The following FILIP1 variants were observed in gnomAD, a reference collection of about 807,000 sequenced individuals.
The protein encoded by FILIP1 is filamin A interacting protein 1.
A neutral mutation model predicts 102.1 loss-of-function variants in FILIP1; 61 were observed. The ratio of observed to expected loss-of-function variants is 0.60; its 90% CI spans 0.49 to 0.74. FILIP1 has a LOEUF of 0.74. FILIP1 is among the 30% of genes least tolerant of loss of function. The pLI, the probability that FILIP1 is intolerant of heterozygous loss-of-function variation, is 0.00. For synonymous variants in FILIP1, 491 were observed against 526.9 expected (o/e 0.93, Z 0.93); for missense variants, 1,314 against 1,441.2 (o/e 0.91, Z 1.43).
chr6:75,485,301 T>C (rs1351030275), intron 1 of FILIP1, among the ~76,000 whole-genome samples: 2 of 152,216 alleles, frequency 1.3e-5, no homozygotes, highest in Admixed American at 6.5e-5. Flanking sequence ...GGAAGATGTT[T>C]AGCCTGTCAG....
intron 6 of FILIP1, among the ~76,000 whole-genome samples, chr6:75,297,986 C>T (rs933184938): frequency 6.6e-6 from 1 of 152,184 alleles, no homozygotes; most frequent in Non-Finnish European, 1.5e-5. Context: ...CTTCAGTGTG[C>T]AGCAGTGGAA....
intron 3 of FILIP1, among the ~76,000 whole-genome samples, chr6:75,354,324 G>A (rs568011442): frequency 6.6e-6 from 1 of 152,166 alleles, no homozygotes; most frequent in Admixed American, 6.5e-5. Flanking sequence ...TGTAATCCCA[G>A]CACGTGGGGA....
At chr6:75,387,212 G>A (rs576280507) in intron 2 of FILIP1, among the ~76,000 whole-genome samples, 162 of 152,088 alleles carry the variant, frequency 1.1e-3, no homozygotes, top group African/African-American at 3.4e-3. Context: ...TCTTTTTTAT[G>A]GCTGCATAGT....
chr6:75,410,388 T>G (rs1777023098), intron 2 of FILIP1, among the ~76,000 whole-genome samples: 1 of 151,492 alleles, frequency 6.6e-6, no homozygotes, highest in Admixed American at 6.6e-5. Context: ...TTCCACATTT[T>G]TTTTGAGATT....
intron 1 of FILIP1, among the ~76,000 whole-genome samples, chr6:75,486,903 A>G (rs1025513094): frequency 6.6e-6 from 1 of 151,992 alleles, no homozygotes; most frequent in African/African-American, 2.4e-5. Context: ...CATTATTATT[A>G]TTATTACTTA....
intron 1 of FILIP1, among the ~76,000 whole-genome samples, chr6:75,429,399 C>T (rs1363279566): frequency 6.6e-6 from 1 of 152,190 alleles, no homozygotes; most frequent in Non-Finnish European, 1.5e-5. Context: ...GCTCCATCTA[C>T]AAGCTTGATC....
At chr6:75,432,614 T>C (rs560511059) in intron 1 of FILIP1, among the ~76,000 whole-genome samples, 3 of 152,322 alleles carry the variant, frequency 2.0e-5, no homozygotes, top group South Asian at 2.1e-4. Flanking sequence ...CAAGGCCATA[T>C]AGGTTTCATC....
intron 1 of FILIP1, among the ~76,000 whole-genome samples, chr6:75,476,061 C>A (rs752285074): frequency 2.6e-5 from 4 of 151,790 alleles, no homozygotes; most frequent in Non-Finnish European, 5.9e-5. Flanking sequence ...GCCAACATGG[C>A]AAAATCCCAT....
intron 1 of FILIP1, among the ~76,000 whole-genome samples, chr6:75,477,443 A>G (rs1384793633): frequency 6.6e-6 from 1 of 152,198 alleles, no homozygotes; most frequent in Non-Finnish European, 1.5e-5. Flanking sequence ...ACTATAAAAA[A>G]TGATAGGTGA....
intron 4 of FILIP1, among the ~76,000 whole-genome samples, chr6:75,340,212 T>G (rs1297318317): frequency 6.6e-6 from 1 of 152,180 alleles, no homozygotes; most frequent in African/African-American, 2.4e-5. Flanking sequence ...CATAGTTTTA[T>G]TTTATTCCTC....
chr6:75,484,623 T>C (rs985742363), intron 1 of FILIP1, among the ~76,000 whole-genome samples: 2 of 152,210 alleles, frequency 1.3e-5, no homozygotes, highest in African/African-American at 2.4e-5. Context: ...TCTGCATTTT[T>C]AAAGCACCCC....
chr6:75,433,167 A>T (rs1349680298), intron 1 of FILIP1, among the ~76,000 whole-genome samples: 10 of 152,236 alleles, frequency 6.6e-5, no homozygotes, highest in Non-Finnish European at 1.3e-4. Flanking sequence ...TAGCAGCATG[A>T]TTTATAATCC....
intron 4 of FILIP1, among the ~76,000 whole-genome samples, chr6:75,347,131 T>C (rs548524717): frequency 8.4e-4 from 128 of 152,330 alleles, no homozygotes; most frequent in African/African-American, 3.1e-3. Context: ...TGTTCACTTT[T>C]ATCAGAAGGT....
Position 75,308,451 on chromosome 6 carries a change from A to G in FILIP1, c.*240T>C, listed in dbSNP as rs562704815. The G allele has an allele frequency of 7.5e-7, 1 of 1,336,036 alleles. No individual in the cohort carries two copies. Among genetic ancestry groups the G allele is most frequent in the African/African-American group, 1.5e-5 (1 of 67,604 alleles). 82.8% of individuals were successfully genotyped at this position (1,336,036 alleles called of 1,614,324 possible). ...GATGGGTCCACTTGCTAGAAGCAAA[A>G]CTGGAACTAGAAACCACGCCCTGGC... On this transcript the variant is annotated 3_prime_UTR_variant, in exon 6 of 6. Coordinates refer to ENST00000237172, the MANE Select transcript of FILIP1 (RefSeq NM_015687.5).
At chr6:75,423,101 A>G (rs545856644) in intron 1 of FILIP1, among the ~76,000 whole-genome samples, 1 of 152,272 alleles carries the variant, frequency 6.6e-6, no homozygotes, top group South Asian at 2.1e-4. Context: ...CCATCAGTTG[A>G]CAATGACCAA....
intron 1 of FILIP1, among the ~76,000 whole-genome samples, chr6:75,451,626 T>A (rs1582527665): frequency 6.6e-6 from 1 of 151,944 alleles, no homozygotes; most frequent in Non-Finnish European, 1.5e-5. Flanking sequence ...AGGTCAAGAG[T>A]TTGAGACCAG....
chr6:75,316,312 A>G (rs1263183420), intron 4 of FILIP1, among the ~76,000 whole-genome samples: 2 of 152,162 alleles, frequency 1.3e-5, no homozygotes, highest in East Asian at 3.8e-4. Context: ...TTTATAAGGG[A>G]AGCAAGTTAT....
chr6:75,478,331 T>C (rs1332298001), intron 1 of FILIP1, among the ~76,000 whole-genome samples: 1 of 152,194 alleles, frequency 6.6e-6, no homozygotes, highest in Non-Finnish European at 1.5e-5. Context: ...TTCACTCACA[T>C]TGCTCTTCCC....
At chr6:75,397,268 T>C (rs1776494424) in intron 2 of FILIP1, among the ~76,000 whole-genome samples, 1 of 150,510 alleles carries the variant, frequency 6.6e-6, no homozygotes, top group Non-Finnish European at 1.5e-5. Context: ...CTAAAAAAAA[T>C]AATAAGTCAT....
Sources: allele counts gnomAD v4.1 joint callset (sites outside exome capture counted in the v4.1 genomes callset), GRCh38; gene constraint gnomAD v4.1.1; transcripts MANE v1.5; gene names NCBI Gene and HGNC (gene_info 2026-07-23, HGNC 2026-07-21).